The following TCERG1L variants were observed in gnomAD, a reference collection of about 807,000 sequenced individuals.
TCERG1L encodes transcription elongation regulator 1-like protein.
TCERG1L carries 37 observed loss-of-function variants against 56.3 expected under a neutral mutation model. The observed-to-expected ratio is 0.66, with a 90% confidence interval of 0.51 to 0.87. The LOEUF is 0.87. TCERG1L is among the 40% of genes least tolerant of loss of function. The probability of loss-of-function intolerance (pLI) is 0.00; values close to 1 mark genes in which losing one functional copy is unlikely to be tolerated. For synonymous variants in TCERG1L, 324 were observed against 326.3 expected (o/e 0.99, Z 0.08); for missense variants, 799 against 774.2 (o/e 1.03, Z -0.38).
intron 3 of TCERG1L, among the ~76,000 whole-genome samples, chr10:131,299,314 C>G (rs79192841): frequency 0.02 from 3,017 of 152,086 alleles, 74 homozygotes; most frequent in East Asian, 0.075. Context: ...ATATTTAAAT[C>G]TACCATTTTA....
chr10:131,138,629 C>T (rs1057127401), intron 7 of TCERG1L, among the ~76,000 whole-genome samples: 12 of 152,114 alleles, frequency 7.9e-5, no homozygotes, highest in South Asian at 2.1e-4. Context: ...TTAATGCAAA[C>T]GGAGTTAACT....
Position 131,212,642 on chromosome 10 carries a change from T to C in TCERG1L, c.857-45757A>G, listed in dbSNP as rs142134616. ...GGTACTCTCCTGAAATTAACATCTCTAGTTTGCACATCCACAAGTCTACAG... is the reference window on the plus strand; with the variant it reads ...GGTACTCTCCTGAAATTAACATCTCCAGTTTGCACATCCACAAGTCTACAG... On this transcript the variant is annotated intron_variant, in intron 4 of 11. Coordinates refer to ENST00000368642, the MANE Select transcript of TCERG1L (RefSeq NM_174937.4). Among the ~76,000 whole-genome samples the C allele has an allele frequency of 5.5e-4, 84 of 152,366 alleles. No individual in the cohort carries two copies. The East Asian group carries it at 8.7e-3, about 16-fold the overall frequency.
intron 10 of TCERG1L, among the ~76,000 whole-genome samples, 195 bp from the exon 11 acceptor site, chr10:131,098,619 G>A (rs1004353328): frequency 4.6e-5 from 7 of 152,178 alleles, no homozygotes; most frequent in African/African-American, 1.4e-4. Flanking sequence ...ATTAAACCTG[G>A]GTGCCCACAC....
chr10:131,281,499 G>C (rs1164454113), intron 3 of TCERG1L, among the ~76,000 whole-genome samples: 1 of 152,160 alleles, frequency 6.6e-6, no homozygotes, highest in Non-Finnish European at 1.5e-5. Flanking sequence ...CATATGAAAG[G>C]CATTTGTGCT....
chr10:131,302,574 T>C (rs944309169), intron 3 of TCERG1L, among the ~76,000 whole-genome samples: 1 of 151,656 alleles, frequency 6.6e-6, no homozygotes. Context: ...TCTATTAACA[T>C]AGCTAGATCT....
intron 4 of TCERG1L, among the ~76,000 whole-genome samples, chr10:131,182,222 C>A (rs11017805): frequency 0.028 from 4,265 of 152,232 alleles, 117 homozygotes; most frequent in South Asian, 0.086. Context: ...GCATGGGAAA[C>A]AGACCTGAAG....
chr10:131,184,049 C>T (rs1845210660), intron 4 of TCERG1L, among the ~76,000 whole-genome samples: 1 of 152,218 alleles, frequency 6.6e-6, no homozygotes, highest in Admixed American at 6.5e-5. Flanking sequence ...ACTGTGTCTC[C>T]ACCTGGAAGT....
At chr10:131,304,157 C>T (rs1285767202) in intron 3 of TCERG1L, among the ~76,000 whole-genome samples, 2 of 152,004 alleles carry the variant, frequency 1.3e-5, no homozygotes, top group Admixed American at 6.5e-5. Flanking sequence ...AGCTGGCAGG[C>T]AACGGGACAT....
chr10:131,236,415 C>T (rs1845913272), intron 4 of TCERG1L, among the ~76,000 whole-genome samples: 1 of 152,220 alleles, frequency 6.6e-6, no homozygotes, highest in South Asian at 2.1e-4. Context: ...TGCTGACATT[C>T]CAGGGCCACC....
chr10:131,132,156 C>T (rs924345976), intron 8 of TCERG1L, among the ~76,000 whole-genome samples: 4 of 152,134 alleles, frequency 2.6e-5, no homozygotes, highest in East Asian at 1.9e-4. Flanking sequence ...CTTTGTAAAC[C>T]GGCTCATGAA....
intron 3 of TCERG1L, among the ~76,000 whole-genome samples, chr10:131,280,005 A>C (rs369343450): frequency 6.6e-6 from 1 of 152,196 alleles, no homozygotes; most frequent in South Asian, 2.1e-4. Context: ...AAAATCAGAG[A>C]GAGGTCTCAG....
intron 4 of TCERG1L, among the ~76,000 whole-genome samples, chr10:131,237,581 TACTC>T (rs57730826): frequency 0.02 from 3,033 of 152,314 alleles, 96 homozygotes; most frequent in African/African-American, 0.067. Context: ...AAATTTCAGA[TACTC>T]ACATACAATG....
In TCERG1L at chr10:131,153,670, C is replaced by A. The variant is rs140329347; in HGVS notation, c.1035-7010G>T. Reference sequence around the variant, plus strand: ...GCCTCAGGATGCACTGACTCTAGGTCCCCGGTTCTCAGATGCAGAGACACC... The same window carrying A: ...GCCTCAGGATGCACTGACTCTAGGTACCCGGTTCTCAGATGCAGAGACACC... On this transcript the variant is annotated intron_variant, in intron 6 of 11. Transcript: ENST00000368642. Among the ~76,000 whole-genome samples the A allele has an allele frequency of 2.4e-3, 365 of 152,338 alleles. 2 individuals are homozygous for A. In the South Asian group the frequency reaches 0.028, roughly 12 times the overall value.
At chr10:131,200,808 A>G (rs936825991) in intron 4 of TCERG1L, among the ~76,000 whole-genome samples, 3 of 152,194 alleles carry the variant, frequency 2.0e-5, no homozygotes, top group Non-Finnish European at 2.9e-5. Flanking sequence ...TCTAAAATTT[A>G]GAAGTTAAAA....
chr10:131,310,023 T>C (rs1846867418), intron 1 of TCERG1L, among the ~76,000 whole-genome samples: 1 of 152,128 alleles, frequency 6.6e-6, no homozygotes, highest in Non-Finnish European at 1.5e-5. Flanking sequence ...CAGTACCTAT[T>C]GTTTTAAAAT....
chr10:131,241,302 T>C (rs1258317995), intron 4 of TCERG1L, among the ~76,000 whole-genome samples: 1 of 151,980 alleles, frequency 6.6e-6, no homozygotes, highest in African/African-American at 2.4e-5. Context: ...TCTACCAGAA[T>C]GTAGGAAAAA....
chr10:131,143,407 C>T (rs1845758998), intron 7 of TCERG1L, among the ~76,000 whole-genome samples: 1 of 152,114 alleles, frequency 6.6e-6, no homozygotes. Context: ...TATGTATTCC[C>T]TCTCTCTCCC....
intron 3 of TCERG1L, among the ~76,000 whole-genome samples, chr10:131,292,643 C>T (rs768186979): frequency 6.6e-5 from 10 of 152,182 alleles, no homozygotes; most frequent in Non-Finnish European, 1.3e-4. Flanking sequence ...ACCACTGAAA[C>T]CTGTGGCGTC....
At chr10:131,134,514 G>A in intron 7 of TCERG1L, 66 bp from the exon 8 acceptor site, 1 of 1,252,118 alleles carries the variant, frequency 8.0e-7, no homozygotes, top group South Asian at 1.3e-5. Context: ...AAACCACCAG[G>A]TGACACTCAC....
Sources: allele counts gnomAD v4.1 joint callset (sites outside exome capture counted in the v4.1 genomes callset), GRCh38; gene constraint gnomAD v4.1.1; transcripts MANE v1.5; gene names NCBI Gene and HGNC (gene_info 2026-07-23, HGNC 2026-07-21).